Variants in SRRD observed in about 807,000 individuals in gnomAD.
The protein encoded by SRRD is SRR1-like protein.
A neutral mutation model predicts 30.7 loss-of-function variants in SRRD; 28 were observed. The observed-to-expected ratio is 0.91, with a 90% CI of 0.68 to 1.25. The LOEUF (loss-of-function observed/expected upper bound fraction) is 1.25, where lower values mean the gene tolerates loss of function less well. Ranked by LOEUF, SRRD falls within the 50% of genes most tolerant of loss-of-function variation. SRRD has a pLI of 0.00. For synonymous variants in SRRD, 161 were observed against 159.6 expected, an observed-to-expected ratio of 1.01 and a Z score of -0.07; for missense variants, 415 against 417.3, an observed-to-expected ratio of 0.99 and a Z score of 0.05.
chr22:26,490,237 G>A, intron 5 of SRRD, 39 bp downstream of exon 5: 1 of 1,610,636 alleles, frequency 6.2e-7, no homozygotes, highest in South Asian at 1.1e-5. Flanking sequence ...AGGCCCTGAG[G>A]TGAAGCCCAT....
At chr22:26,489,544 G>C (rs1057144998) in intron 4 of SRRD, among the ~76,000 whole-genome samples, 4 of 152,094 alleles carry the variant, frequency 2.6e-5, no homozygotes, top group African/African-American at 9.7e-5. Context: ...AGGCAGGCCA[G>C]AGGTGGGCAA....
At chr22:26,489,265 G>A (rs2091730286) in intron 4 of SRRD, among the ~76,000 whole-genome samples, 1 of 152,136 alleles carries the variant, frequency 6.6e-6, no homozygotes, top group African/African-American at 2.4e-5. Flanking sequence ...GCTTTGGGGA[G>A]ACCAAGAAAA....
Position 26,484,065 on chromosome 22 carries a change from A to C in SRRD, c.175A>C (p.Ser59Arg). Residue 59 changes from serine to arginine, a missense_variant, in exon 1 of 7, where the codon AGC becomes CGC. Transcript: ENST00000215917. ...RGPEAEFESD[S>R]GVVLRRIWEA... ...CCCCGAGGCGGAGTTCGAGTCTGACAGCGGAGTCGTGCTTCGTCGCATCTG... is the reference window on the plus strand; with the variant it reads ...CCCCGAGGCGGAGTTCGAGTCTGACCGCGGAGTCGTGCTTCGTCGCATCTG... 9 of 1,488,020 alleles carry C rather than the reference A, an allele frequency of 6.0e-6. No individual in the cohort carries two copies. The highest frequency in any genetic ancestry group is 8.0e-6 in the Non-Finnish European group (9 of 1,125,802). 92.2% of individuals were successfully genotyped at this position (1,488,020 alleles called of 1,614,324 possible).
chr22:26,488,812 C>G (rs968709671), intron 4 of SRRD, among the ~76,000 whole-genome samples: 3 of 152,210 alleles, frequency 2.0e-5, no homozygotes, highest in Non-Finnish European at 2.9e-5. Flanking sequence ...CTAGGTGCCT[C>G]AAGTGAGGTC....
chr22:26,490,252 C>T, intron 5 of SRRD, 54 bp downstream of exon 5: 1 of 1,588,666 alleles, frequency 6.3e-7, no homozygotes, highest in Middle Eastern at 1.7e-4. Context: ...GCCCATACCT[C>T]AGATTGACCC....
At chr22:26,490,859 T>C in intron 5 of SRRD, 166 bp from the exon 6 acceptor site, 1 of 626,160 alleles carries the variant, frequency 1.6e-6, no homozygotes, top group South Asian at 2.2e-5. Flanking sequence ...GCCCACATTT[T>C]CAACTATTTA....
intron 6 of SRRD, 74 bp from the exon 7 acceptor site, chr22:26,491,389 G>A: frequency 3.4e-6 from 4 of 1,191,830 alleles, no homozygotes; most frequent in Non-Finnish European, 4.8e-6. Flanking sequence ...GACAAGTAAA[G>A]TGGAAATTTA....
chr22:26,491,566 A>G lies in SRRD; in HGVS notation c.914A>G (p.Gln305Arg), dbSNP rs758086439. 1 of 1,614,176 alleles carries G rather than the reference A, an allele frequency of 6.2e-7. No individual in the cohort carries two copies. Among genetic ancestry groups the G allele is most frequent in the Admixed American group, 1.7e-5 (1 of 60,030 alleles). Residue 305 changes from glutamine (Q) to arginine (R), a missense_variant, in exon 7 of 7, where the codon CAG becomes CGG. Physicochemically the swap from Gln to Arg is conservative, Grantham distance 43. Coordinates refer to ENST00000215917, the MANE Select transcript of SRRD (RefSeq NM_001013694.3). ...VHWFPVQKLE[Q>R]LSIDIWEFRE... ...TGGTTCCCTGTGCAAAAGCTAGAAC[A>G]GCTCTCCATAGATATTTGGGAGTTT...
rs1921415914 is a variant in SRRD, at chr22:26,493,028, T to G, written c.*1356T>G. On this transcript the variant is annotated 3_prime_UTR_variant, in exon 7 of 7. Coordinates refer to ENST00000215917, the MANE Select transcript of SRRD (RefSeq NM_001013694.3). ...TCTGTTTTCACAGAATAGGCTATTT[T>G]TCTTTTTTTTTTTTTGAGACCGAGT... is the stretch of plus-strand genomic sequence containing the variant. 1 of 152,118 alleles carries G rather than the reference T, an allele frequency of 6.6e-6. No homozygotes were observed. Among genetic ancestry groups the G allele is most frequent in the Admixed American group, 6.5e-5 (1 of 15,270 alleles). 9.4% of individuals were successfully genotyped at this position (152,118 alleles called of 1,614,324 possible).
intron 4 of SRRD, among the ~76,000 whole-genome samples, chr22:26,488,703 TG>T (rs2091727259): frequency 6.6e-6 from 1 of 152,250 alleles, no homozygotes; most frequent in Admixed American, 6.5e-5. Flanking sequence ...ACAGATAGCA[TG>T]AACCAGAACA....
chr22:26,490,993 T>A (rs765057374), intron 5 of SRRD, 32 bp from the exon 6 acceptor site: 16 of 1,592,654 alleles, frequency 1.0e-5, no homozygotes, highest in Non-Finnish European at 1.4e-5. Flanking sequence ...TGGTGTTTTT[T>A]TTTTGTTTTT....
Position 26,490,208 on chromosome 22 carries a change from A to G in SRRD, c.764+10A>G. ...AAGGACTTGAGGAGAGGTAAGTCTG[A>G]GAATGCTGAGATTCTGTCAGGCCCT... On this transcript the variant is annotated intron_variant, in intron 5 of 6. Coordinates refer to ENST00000215917, the MANE Select transcript of SRRD (RefSeq NM_001013694.3). The G allele has an allele frequency of 6.2e-7, 1 of 1,613,980 alleles. No individual in the cohort carries two copies. Among genetic ancestry groups the G allele is most frequent in the Middle Eastern group, 1.7e-4 (1 of 6,060 alleles).
Position 26,488,124 on chromosome 22 carries a change from T to C in SRRD, c.346T>C (p.Leu116=). ...DIFGNLHLDS[L]PEESDVATDS... The stretch of plus-strand genomic sequence containing the variant: ...CTTTGGAAACCTGCATCTTGACTCA[T>C]TGCCAGAGGAGTCAGATGTGGCCAC... The change falls in exon 3 of 7, where the codon TTG becomes CTG. Residue 116 remains leucine (L), a synonymous_variant. Coordinates refer to ENST00000215917, the MANE Select transcript of SRRD (RefSeq NM_001013694.3). The C allele has an allele frequency of 1.2e-6, 2 of 1,614,192 alleles. No individual in the cohort carries two copies. The highest frequency in any genetic ancestry group is 1.1e-5 in the South Asian group (1 of 91,086).
chr22:26,491,772 G>C lies in SRRD; in HGVS notation c.*100G>C. On this transcript the variant is annotated 3_prime_UTR_variant, in exon 7 of 7. Coordinates refer to ENST00000215917, the MANE Select transcript of SRRD (RefSeq NM_001013694.3). ...GAACTACAGAGAACTCCTTTGCCAG[G>C]AAAGAACATCAACTTGGCTGTCCTG... 8.6e-7 allele frequency: 1 copy of C among 1,159,374 alleles called. No homozygotes were observed. The allele number at this position is 1,159,374 out of a possible 1,614,324, so 71.8% of individuals were successfully genotyped here. A position where few individuals can be genotyped will look rare whatever the true frequency, so the allele number is the denominator to read the frequency against.
rs1228601875 is a variant in SRRD, at chr22:26,494,147, G to A, written c.*2475G>A. ...TGGGAATCCTCACTTACCAACGTTGGAGGACACCGCCCGGTTCATGATATC... is the reference window on the plus strand; with the variant it reads ...TGGGAATCCTCACTTACCAACGTTGAAGGACACCGCCCGGTTCATGATATC... On this transcript the variant is annotated 3_prime_UTR_variant, in exon 7 of 7. Transcript: ENST00000215917. The A allele has an allele frequency of 6.2e-7, 1 of 1,613,886 alleles. No homozygotes were observed. Among genetic ancestry groups the A allele is most frequent in the Non-Finnish European group, 8.5e-7 (1 of 1,179,770 alleles).
Position 26,494,412 on chromosome 22 carries a change from C to G in SRRD, c.*2740C>G, listed in dbSNP as rs529091667. ...ATCCTGGTCCTACAGGCTAGTGACA[C>G]TACTTTACAGGGATTTATAGTAGCT... On this transcript the variant is annotated 3_prime_UTR_variant, in exon 7 of 7. Transcript: ENST00000215917. 1 of 1,313,098 alleles carries G rather than the reference C, an allele frequency of 7.6e-7. No homozygotes were observed. Among genetic ancestry groups the G allele is most frequent in the South Asian group, 1.2e-5 (1 of 82,244 alleles). The allele number at this position is 1,313,098 out of a possible 1,614,324, so 81.3% of individuals were successfully genotyped here.
intron 1 of SRRD, among the ~76,000 whole-genome samples, chr22:26,485,030 A>G (rs988456312): frequency 5.3e-5 from 8 of 152,208 alleles, no homozygotes; most frequent in African/African-American, 1.9e-4. Flanking sequence ...GTTGCTGACC[A>G]TTTGGCTCAG....
chr22:26,486,091 A>G lies in SRRD; in HGVS notation c.250+28A>G, dbSNP rs763759302. The stretch of plus-strand genomic sequence containing the variant: ...GGGTACCACTTGGCCAATGGTAGGG[A>G]TTGTGGGGCAGAAAAGAGAATCAGT... On this transcript the variant is annotated intron_variant, in intron 2 of 6. Transcript: ENST00000215917. 5 of 1,613,696 alleles carry G rather than the reference A, an allele frequency of 3.1e-6. No homozygotes were observed. In the African/African-American group the frequency reaches 6.7e-5, roughly 22 times the overall value.
At chr22:26,490,222 C>T (rs781074864) in intron 5 of SRRD, 24 bp downstream of exon 5, 6 of 1,613,214 alleles carry the variant, frequency 3.7e-6, no homozygotes, top group African/African-American at 1.3e-5. Context: ...TGCTGAGATT[C>T]TGTCAGGCCC....
Sources: allele counts gnomAD v4.1 joint callset (sites outside exome capture counted in the v4.1 genomes callset), GRCh38; gene constraint gnomAD v4.1.1; transcripts MANE v1.5; gene names NCBI Gene and HGNC (gene_info 2026-07-23, HGNC 2026-07-21).